The following FNBP1 variants were observed in gnomAD, a reference collection of about 807,000 sequenced individuals.
FNBP1 encodes the protein formin binding protein 1.
FNBP1 carries 26 observed loss-of-function variants against 90.6 expected under a neutral mutation model. The ratio of observed to expected loss-of-function variants is 0.29; its 90% CI spans 0.21 to 0.40. FNBP1 has a LOEUF of 0.40. Ranked by LOEUF, FNBP1 falls within the 10% of genes least tolerant of loss-of-function variation. The pLI, the probability that FNBP1 is intolerant of heterozygous loss-of-function variation, is 1.00. For synonymous variants in FNBP1, 260 were observed against 265.2 expected, an observed-to-expected ratio of 0.98 and a Z score of 0.19; for missense variants, 635 against 768.0, an observed-to-expected ratio of 0.83 and a Z score of 2.05.
chr9:129,946,139 A>G (rs1262005022), intron 6 of FNBP1, among the ~76,000 whole-genome samples: 1 of 152,170 alleles, frequency 6.6e-6, no homozygotes, highest in East Asian at 1.9e-4. Flanking sequence ...ACTGCACTCC[A>G]TCCTGAGCGA....
At chr9:129,977,059 TGAGG>T (rs1314579125) in intron 4 of FNBP1, among the ~76,000 whole-genome samples, 3 of 151,554 alleles carry the variant, frequency 2.0e-5, no homozygotes, top group Non-Finnish European at 4.4e-5. Flanking sequence ...TCTCAGCTAC[TGAGG>T]GAGGAGAATC....
intron 4 of FNBP1, among the ~76,000 whole-genome samples, chr9:129,964,383 T>A (rs771252707): frequency 1.3e-5 from 2 of 152,162 alleles, no homozygotes; most frequent in Non-Finnish European, 2.9e-5. Context: ...TGCTTCTTAC[T>A]TTCTGCTGTC....
rs544229894 is a variant in FNBP1 at position 129,888,608 on chromosome 9, C to G, written c.*1931G>C. The G allele has an allele frequency of 1.3e-5, 3 of 231,580 alleles. No homozygotes were observed. The highest frequency in any genetic ancestry group is 5.6e-5 in the Admixed American group (1 of 17,732). The allele number at this position is 231,580 out of a possible 1,614,324, so 14.3% of individuals were successfully genotyped here. A position where few individuals can be genotyped will look rare whatever the true frequency, so the allele number is the denominator to read the frequency against. ...GCCGCAACCCTGAGCGGTTTGCAGT[C>G]CCCCCCGGGGAAGAAGCAGTCAGAG... On this transcript the variant is annotated 3_prime_UTR_variant, in exon 17 of 17. Coordinates refer to ENST00000446176, the MANE Select transcript of FNBP1 (RefSeq NM_015033.3).
the FNBP1 span, among the ~76,000 whole-genome samples, chr9:130,050,851 G>A: frequency 1.3e-5 from 2 of 149,620 alleles, no homozygotes; most frequent in Non-Finnish European, 3.0e-5. Context: ...TTTTGAGACA[G>A]AGTCTTGCTC....
At chr9:129,968,907 A>G (rs919313568) in intron 4 of FNBP1, among the ~76,000 whole-genome samples, 2 of 152,228 alleles carry the variant, frequency 1.3e-5, no homozygotes, top group Admixed American at 6.5e-5. Flanking sequence ...TTTTCTTGGA[A>G]TTCCAGAAAA....
Position 129,889,772 on chromosome 9 carries a change from G to T in FNBP1, c.*767C>A. Reference sequence around the variant, plus strand: ...AGGCGTGGGCTCCTCATGGCCGGTGGACACAGGCGAGTCAACAAGGCGAGC... The same window carrying T: ...AGGCGTGGGCTCCTCATGGCCGGTGTACACAGGCGAGTCAACAAGGCGAGC... On this transcript the variant is annotated 3_prime_UTR_variant, in exon 17 of 17. Coordinates refer to ENST00000446176, the MANE Select transcript of FNBP1 (RefSeq NM_015033.3). The T allele has an allele frequency of 4.3e-6, 1 of 232,356 alleles. No homozygotes were observed. Among genetic ancestry groups the T allele is most frequent in the Non-Finnish European group, 8.5e-6 (1 of 117,504 alleles). 14.4% of individuals were successfully genotyped at this position (232,356 alleles called of 1,614,324 possible). A position where few individuals can be genotyped will look rare whatever the true frequency, so the allele number is the denominator to read the frequency against.
At chr9:129,920,242 A>G (rs2040879688) in intron 10 of FNBP1, among the ~76,000 whole-genome samples, 1 of 152,216 alleles carries the variant, frequency 6.6e-6, no homozygotes, top group Admixed American at 6.5e-5. Flanking sequence ...ATGGTAAAAC[A>G]GAGATTTTCC....
intron 1 of FNBP1, among the ~76,000 whole-genome samples, chr9:130,030,327 C>T (rs2058692698): frequency 6.6e-6 from 1 of 151,486 alleles, no homozygotes; most frequent in South Asian, 2.1e-4. Flanking sequence ...CCCAGCTACT[C>T]AGGAGGCTGA....
In FNBP1 at chr9:129,890,789, C is replaced by A; in HGVS notation, c.1847-243G>T. Among the ~76,000 whole-genome samples the A allele has an allele frequency of 2.0e-5, 3 of 152,208 alleles. 1 individual carries two copies. The East Asian group carries it at 5.8e-4, about 29-fold the overall frequency. On this transcript the variant is annotated intron_variant, in intron 16 of 16. Coordinates refer to ENST00000446176, the MANE Select transcript of FNBP1 (RefSeq NM_015033.3). This position sits in a 1 kb window ranked among gnomAD's most constrained non-coding sequence, Gnocchi z 5.8. ...TCTTTCCTTCAGAGTTAAGAGAAGC[C>A]CAAACAGGAGACTGATGAGGCCATC...
chr9:129,966,803 A>C lies in FNBP1; in HGVS notation c.346-8250T>G, dbSNP rs997656045. On this transcript the variant is annotated intron_variant, in intron 4 of 16. Transcript: ENST00000446176. This position sits in a 1 kb window ranked among gnomAD's most constrained non-coding sequence, Gnocchi z 4.3. ...ACATGGCCTGATCTACATTATTTCA[A>C]TGTCAAGCTGGCTGCTGCAGGGGGA... 2.0e-5 allele frequency among the ~76,000 whole-genome samples: 3 copies of C among 152,184 alleles called. No individual in the cohort carries two copies. Among genetic ancestry groups the C allele is most frequent in the Non-Finnish European group, 4.4e-5 (3 of 68,028 alleles).
intron 15 of FNBP1, among the ~76,000 whole-genome samples, chr9:129,898,002 G>A (rs901580097): frequency 6.6e-5 from 10 of 151,864 alleles, no homozygotes; most frequent in Admixed American, 3.9e-4. Context: ...ACTGATTTTT[G>A]TATTTTTAGT....
chr9:130,042,674 G>C lies in FNBP1; in HGVS notation c.24+278C>G, dbSNP rs1285270473. Among the ~76,000 whole-genome samples the C allele has an allele frequency of 2.0e-5, 3 of 151,548 alleles. No homozygotes were observed. The highest frequency in any genetic ancestry group is 4.4e-5 in the Non-Finnish European group (3 of 67,802). On this transcript the variant is annotated intron_variant, in intron 1 of 16. Transcript: ENST00000446176. The surrounding 1 kb of genome is among the most constrained non-coding windows in gnomAD (Gnocchi z 5.5). ...CGGCCCGACACACACGGCCCGCTCCGGGGCGCCGGGGACAGGGAGGCCCGC... is the reference window on the plus strand; with the variant it reads ...CGGCCCGACACACACGGCCCGCTCCCGGGCGCCGGGGACAGGGAGGCCCGC...
chr9:130,022,434 T>C (rs537181938), intron 1 of FNBP1, among the ~76,000 whole-genome samples: 11 of 152,212 alleles, frequency 7.2e-5, no homozygotes, highest in Non-Finnish European at 1.3e-4. Context: ...CTTGAACTCC[T>C]GACCTCAGGT....
chr9:129,893,637 A>AAAAAAAAAAAAAAG lies in FNBP1; in HGVS notation c.1846+2200_1846+2201insCTTTTTTTTTTTTT, dbSNP rs56397008. On this transcript the variant is annotated intron_variant, in intron 16 of 16. Transcript: ENST00000446176. The stretch of plus-strand genomic sequence containing the variant: ...CAAAAAAAAAAAAAAAAAAAAAAAA[A>AAAAAAAAAAAAAAG]GCCAGGCACGGGCTCATGCCTGTAA... Among the ~76,000 whole-genome samples the AAAAAAAAAAAAAAG allele has an allele frequency of 5.8e-4, 36 of 62,240 alleles. 10 individuals are homozygous for AAAAAAAAAAAAAAG. The highest frequency in any genetic ancestry group is 1.2e-3 in the African/African-American group (13 of 11,022). 40.8% of individuals were successfully genotyped at this position (62,240 alleles called of 152,430 possible). A position where few individuals can be genotyped will look rare whatever the true frequency, so the allele number is the denominator to read the frequency against.
intron 6 of FNBP1, among the ~76,000 whole-genome samples, chr9:129,935,160 G>C (rs1375213338): frequency 1.6e-5 from 2 of 121,704 alleles, no homozygotes; most frequent in Admixed American, 9.6e-5. Flanking sequence ...GTCTCCCTCT[G>C]TTACCCAGAC....
rs2059915242 is a variant in FNBP1, at chr9:130,042,477, C to T, written c.24+475G>A. Reference sequence around the variant, plus strand: ...ACCCCCGGCGCTCGCCCCGGCCGCCCCGCTCCCGGGGAAGTGCCCGATCCG... The same window carrying T: ...ACCCCCGGCGCTCGCCCCGGCCGCCTCGCTCCCGGGGAAGTGCCCGATCCG... On this transcript the variant is annotated intron_variant, in intron 1 of 16. Coordinates refer to ENST00000446176, the MANE Select transcript of FNBP1 (RefSeq NM_015033.3). The surrounding 1 kb of genome is among the most constrained non-coding windows in gnomAD (Gnocchi z 5.5). Among the ~76,000 whole-genome samples the T allele has an allele frequency of 6.6e-6, 1 of 151,982 alleles. No individual in the cohort carries two copies. Among genetic ancestry groups the T allele is most frequent in the African/African-American group, 2.4e-5 (1 of 41,406 alleles).
At position 129,910,743 on chromosome 9, in the gene FNBP1, G is replaced by A. The variant is rs916705545; in HGVS notation, c.1186-1744C>T. On this transcript the variant is annotated intron_variant, in intron 11 of 16. Coordinates refer to ENST00000446176, the MANE Select transcript of FNBP1 (RefSeq NM_015033.3). ...ATAAAATGCCAGGGTGATGTGCTGG[G>A]AAGTGTGTGATTCAGCAAATAGTTG... Among the ~76,000 whole-genome samples, 6 of 152,154 alleles carry A rather than the reference G, an allele frequency of 3.9e-5. No homozygotes were observed. In the South Asian group the frequency reaches 1.2e-3, roughly 32 times the overall value.
At chr9:129,990,444 A>G (rs2052949463) in intron 2 of FNBP1, among the ~76,000 whole-genome samples, 1 of 152,164 alleles carries the variant, frequency 6.6e-6, no homozygotes. Flanking sequence ...TGGAAGGGCT[A>G]GCGCAATAGC....
At position 129,978,446 on chromosome 9, in the gene FNBP1, AG is replaced by A. The variant is rs2050691897; in HGVS notation, c.345+18del. 6.2e-7 allele frequency: 1 copy of A among 1,606,946 alleles called. No individual in the cohort carries two copies. Among genetic ancestry groups the A allele is most frequent in the African/African-American group, 1.3e-5 (1 of 74,778 alleles). ...TTTGGTCCATCTTTTAGGAAGAAAAAGAATAAAGTTTTGCTTACTGATTTCC... is the reference window on the plus strand; with the variant it reads ...TTTGGTCCATCTTTTAGGAAGAAAAAAATAAAGTTTTGCTTACTGATTTCC... On this transcript the variant is annotated intron_variant, in intron 4 of 16. Transcript: ENST00000446176.
Sources: gnomAD v4.1 joint callset for allele counts (sites outside exome capture counted in the v4.1 genomes callset) on GRCh38, gnomAD v4.1.1 for gene constraint, Gnocchi (gnomAD v3.1) non-coding constraint, MANE v1.5 for transcripts, NCBI Gene and HGNC (gene_info 2026-07-23, HGNC 2026-07-21) for gene names.